The following SLIT3 variants were observed in gnomAD, a reference collection of about 807,000 sequenced individuals.
SLIT3 encodes the protein slit homolog 3 protein.
Under a neutral mutation model 184.0 loss-of-function variants are expected in SLIT3, and 68 were observed. The observed-to-expected ratio is 0.37, with a 90% CI of 0.30 to 0.45. SLIT3 has a LOEUF of 0.45. SLIT3 is among the 20% of genes least tolerant of loss of function. The probability of loss-of-function intolerance (pLI) is 1.00; values close to 1 mark genes in which losing one functional copy is unlikely to be tolerated. For missense variants in SLIT3, 1,707 were observed against 2,026.0 expected, an observed-to-expected ratio of 0.84 and a Z score of 3.02; for synonymous variants, 831 against 828.6, an observed-to-expected ratio of 1.00 and a Z score of -0.05.
At chr5:169,274,111 A>G (rs569555747) in intron 1 of SLIT3, among the ~76,000 whole-genome samples, 5 of 152,322 alleles carry the variant, frequency 3.3e-5, no homozygotes, top group African/African-American at 1.2e-4. Flanking sequence ...AGAAGTGCCC[A>G]TTGTAGGGCC....
At chr5:168,835,651 A>G (rs919511877) in intron 6 of SLIT3, among the ~76,000 whole-genome samples, 1 of 151,952 alleles carries the variant, frequency 6.6e-6, no homozygotes, top group African/African-American at 2.4e-5. Flanking sequence ...TCTACTAAAA[A>G]TACAAAAAAA....
At chr5:168,752,368 G>C (rs909074252) in intron 18 of SLIT3, 2 of 145,536 alleles carry the variant, frequency 1.4e-5, no homozygotes, top group African/African-American at 5.1e-5. Context: ...CAGCTCCAGT[G>C]TTTCTCAACA....
chr5:168,772,147 TC>T (rs1755573268), intron 14 of SLIT3: 5 of 152,444 alleles, frequency 3.3e-5, no homozygotes, highest in Admixed American at 2.0e-4. Context: ...AAGGAAGCTT[TC>T]TAGAGAGATC....
At chr5:168,836,687 G>A (rs1581130884) in intron 6 of SLIT3, among the ~76,000 whole-genome samples, 1 of 152,150 alleles carries the variant, frequency 6.6e-6, no homozygotes, top group Non-Finnish European at 1.5e-5. Flanking sequence ...GGGACAGCAA[G>A]ACCACCACGA....
intron 4 of SLIT3, among the ~76,000 whole-genome samples, chr5:169,153,055 C>T (rs1390642274): frequency 1.3e-5 from 2 of 152,218 alleles, no homozygotes; most frequent in African/African-American, 2.4e-5. Context: ...GTCATCCCTG[C>T]TCTGATTTCA....
rs1762062499 is a variant in SLIT3, at chr5:168,696,284, A to T, written c.3082+8T>A. ...ACCCCACCATACATACAGTCATGAG[A>T]TCCTTACCTGTGTAGTTAGGCGGAC... On this transcript the variant is annotated splice_region_variant and intron_variant, in intron 28 of 35. Transcript: ENST00000519560. 1.2e-6 allele frequency: 2 copies of T among 1,614,016 alleles called. No homozygotes were observed. Among genetic ancestry groups the T allele is most frequent in the African/African-American group, 1.3e-5 (1 of 74,912 alleles).
intron 4 of SLIT3, among the ~76,000 whole-genome samples, chr5:169,085,161 TG>T (rs1240694107): frequency 3.9e-4 from 60 of 152,198 alleles, no homozygotes; most frequent in Admixed American, 3.9e-3. Context: ...CAACTTCTAC[TG>T]GGGTTTACTT....
intron 4 of SLIT3, among the ~76,000 whole-genome samples, chr5:168,980,789 C>T (rs1406092529): frequency 6.6e-6 from 1 of 152,140 alleles, no homozygotes; most frequent in Non-Finnish European, 1.5e-5. Flanking sequence ...TTGAATTTAG[C>T]ATTATATCCA....
At chr5:168,687,461 A>G (rs551317272) in intron 29 of SLIT3, among the ~76,000 whole-genome samples, 2 of 152,198 alleles carry the variant, frequency 1.3e-5, no homozygotes, top group South Asian at 4.2e-4. Context: ...CTGAGTTCTC[A>G]CTGAGGCCTC....
At chr5:169,260,507 C>G (rs947281109) in intron 1 of SLIT3, among the ~76,000 whole-genome samples, 1 of 152,166 alleles carries the variant, frequency 6.6e-6, no homozygotes, top group Non-Finnish European at 1.5e-5. Context: ...GGTTACAGTT[C>G]GTCTTTATGA....
chr5:169,116,978 T>C (rs1369119084), intron 4 of SLIT3, among the ~76,000 whole-genome samples: 8 of 152,160 alleles, frequency 5.3e-5, no homozygotes, highest in Non-Finnish European at 1.0e-4. Flanking sequence ...TTTACTGTCA[T>C]CCTCATCCCT....
At chr5:168,798,489 A>G (rs867941034) in intron 9 of SLIT3, among the ~76,000 whole-genome samples, 2 of 152,012 alleles carry the variant, frequency 1.3e-5, no homozygotes, top group Middle Eastern at 3.4e-3. Context: ...TCAGCATCCC[A>G]AAGTGCTGAG....
intron 2 of SLIT3, among the ~76,000 whole-genome samples, chr5:169,250,584 A>G (rs1303613855): frequency 1.3e-5 from 2 of 152,236 alleles, no homozygotes; most frequent in African/African-American, 4.8e-5. Flanking sequence ...AGGTAGCTTC[A>G]GGTACCAAGA....
intron 4 of SLIT3, among the ~76,000 whole-genome samples, chr5:169,014,096 A>AAGGCAGGCAGGC (rs60057409): frequency 0.28 from 42,123 of 150,174 alleles, 6,393 homozygotes; most frequent in East Asian, 0.48. Flanking sequence ...TGTGGGAAGG[A>AAGGCAGGCAGGC]AGGCAGGCAG....
chr5:169,003,431 T>C (rs1581289155), intron 4 of SLIT3, among the ~76,000 whole-genome samples: 2 of 152,308 alleles, frequency 1.3e-5, no homozygotes, highest in African/African-American at 4.8e-5. Flanking sequence ...GTGAATTCCA[T>C]TGCTAACGTC....
chr5:168,971,739 C>T (rs1754583804), intron 4 of SLIT3, among the ~76,000 whole-genome samples: 1 of 152,182 alleles, frequency 6.6e-6, no homozygotes, highest in Admixed American at 6.5e-5. Flanking sequence ...ATCCCAGAGC[C>T]CTCTGCTCCA....
chr5:169,110,573 GAC>G (rs776291700), intron 4 of SLIT3, among the ~76,000 whole-genome samples: 45 of 152,042 alleles, frequency 3.0e-4, no homozygotes, highest in Admixed American at 1.2e-3. Flanking sequence ...CCCCTTCTCT[GAC>G]ACAGTCATAT....
intron 1 of SLIT3, among the ~76,000 whole-genome samples, chr5:169,267,707 G>A (rs1182499446): frequency 6.6e-6 from 1 of 152,198 alleles, no homozygotes; most frequent in East Asian, 1.9e-4. Context: ...GTCATTCCCA[G>A]CTTGAGCCAC....
intron 4 of SLIT3, among the ~76,000 whole-genome samples, chr5:168,956,501 G>T (rs1762831189): frequency 6.6e-6 from 1 of 152,154 alleles, no homozygotes; most frequent in Non-Finnish European, 1.5e-5. Context: ...GATTCATAAA[G>T]AATCACAGAG....
Sources: allele counts gnomAD v4.1 joint callset (sites outside exome capture counted in the v4.1 genomes callset), GRCh38; gene constraint gnomAD v4.1.1; transcripts MANE v1.5; gene names NCBI Gene and HGNC (gene_info 2026-07-23, HGNC 2026-07-21).